The following VPS13C variants were observed in gnomAD, a reference collection of about 807,000 sequenced individuals.
VPS13C encodes vacuolar protein sorting 13 homolog C, also known as intermembrane lipid transfer protein VPS13C.
VPS13C carries 358 observed loss-of-function variants against 456.8 expected under a neutral mutation model. That is an observed-to-expected ratio of 0.78 (90% CI 0.72 to 0.86). The LOEUF is 0.86. Among genes scored for constraint, VPS13C ranks in the 40% least tolerant of loss-of-function variants. The pLI, the probability that VPS13C is intolerant of heterozygous loss-of-function variation, is 0.00. For synonymous variants in VPS13C, 1,578 were observed against 1,486.7 expected, an observed-to-expected ratio of 1.06 and a Z score of -1.41; for missense variants, 4,818 against 4,385.4, an observed-to-expected ratio of 1.10 and a Z score of -2.79.
At chr15:62,001,077 G>A (rs2140460196) in intron 15 of VPS13C, among the ~76,000 whole-genome samples, 1 of 152,248 alleles carries the variant, frequency 6.6e-6, no homozygotes, top group East Asian at 1.9e-4. Flanking sequence ...GGCTAAAGTA[G>A]AAACTGATTT....
At chr15:61,890,422 T>C (rs1555411704) in intron 66 of VPS13C, 22 bp from the exon 67 acceptor site, 3 of 1,597,434 alleles carry the variant, frequency 1.9e-6, no homozygotes, top group African/African-American at 1.3e-5. Flanking sequence ...AAAGACTTCA[T>C]TAAACCCACA....
At position 61,853,802 on chromosome 15, in the gene VPS13C, G is replaced by C. The variant is rs1893763475; in HGVS notation, c.*655C>G. The C allele has an allele frequency of 6.6e-6, 1 of 151,966 alleles. No individual in the cohort carries two copies. The highest frequency in any genetic ancestry group is 2.4e-5 in the African/African-American group (1 of 41,310). 9.4% of individuals were successfully genotyped at this position (151,966 alleles called of 1,614,324 possible). ...TGTAATCCCAGCACTTTGGGAGGCT[G>C]AGGCATGCGGATCACAAGGTCAGGA... On this transcript the variant is annotated 3_prime_UTR_variant, in exon 85 of 85. Transcript: ENST00000644861.
intron 15 of VPS13C, among the ~76,000 whole-genome samples, chr15:62,004,254 T>C (rs1221609020): frequency 6.6e-6 from 1 of 151,290 alleles, no homozygotes; most frequent in Non-Finnish European, 1.5e-5. Context: ...CTTGGGAGAG[T>C]GTATGTGTCG....
intron 30 of VPS13C, 72 bp from the exon 31 acceptor site, chr15:61,964,933 A>G (rs1479402057): frequency 7.1e-7 from 1 of 1,410,196 alleles, no homozygotes; most frequent in African/African-American, 1.4e-5. Flanking sequence ...GACAGACCCA[A>G]AAGATTCTCA....
intron 32 of VPS13C, among the ~76,000 whole-genome samples, 158 bp from the exon 33 acceptor site, chr15:61,963,010 T>C (rs1273425220): frequency 6.6e-6 from 1 of 152,156 alleles, no homozygotes; most frequent in Non-Finnish European, 1.5e-5. Context: ...TTTTTTGGTT[T>C]TATAAACACC....
At chr15:62,004,483 A>C (rs1373760474) in intron 15 of VPS13C, among the ~76,000 whole-genome samples, 2 of 149,286 alleles carry the variant, frequency 1.3e-5, no homozygotes, top group Non-Finnish European at 3.0e-5. Flanking sequence ...TCCTGGATTC[A>C]TTAATTTTTT....
chr15:61,924,614 T>C (rs2043784098), intron 53 of VPS13C, among the ~76,000 whole-genome samples: 2 of 152,232 alleles, frequency 1.3e-5, no homozygotes, highest in African/African-American at 4.8e-5. Flanking sequence ...TTTTCCCTCA[T>C]TTACTACTTT....
chr15:62,026,562 C>T (rs974184432), intron 6 of VPS13C, among the ~76,000 whole-genome samples: 8 of 151,980 alleles, frequency 5.3e-5, no homozygotes, highest in African/African-American at 1.9e-4. Context: ...GTTGAAGTGT[C>T]TACCAAACAA....
chr15:61,864,659 T>C, intron 81 of VPS13C: 7 of 985,480 alleles, frequency 7.1e-6, no homozygotes, highest in Non-Finnish European at 7.2e-6. Flanking sequence ...TCCTTGACAA[T>C]TGCAAAAAGC....
intron 66 of VPS13C, among the ~76,000 whole-genome samples, chr15:61,899,375 A>G (rs2042927850): frequency 6.7e-6 from 1 of 150,048 alleles, no homozygotes; most frequent in African/African-American, 2.5e-5. Flanking sequence ...ATAAAGAAAA[A>G]AAGAGAGAAG....
intron 66 of VPS13C, among the ~76,000 whole-genome samples, chr15:61,900,142 C>T (rs1406459143): frequency 6.6e-6 from 1 of 152,004 alleles, no homozygotes; most frequent in Non-Finnish European, 1.5e-5. Flanking sequence ...TATGACAAAC[C>T]CACAGCCAAT....
intron 9 of VPS13C, among the ~76,000 whole-genome samples, chr15:62,014,597 G>A (rs1364110070): frequency 6.6e-6 from 1 of 152,038 alleles, no homozygotes; most frequent in East Asian, 1.9e-4. Flanking sequence ...TAAATGGTAT[G>A]GATACAAAAG....
At chr15:61,874,053 T>C (rs949423401) in intron 77 of VPS13C, among the ~76,000 whole-genome samples, 7 of 150,980 alleles carry the variant, frequency 4.6e-5, no homozygotes, top group South Asian at 2.1e-4. Context: ...CTGGAGGACA[T>C]TATGTTAAGT....
intron 61 of VPS13C, among the ~76,000 whole-genome samples, chr15:61,914,125 C>T (rs2043388072): frequency 6.6e-6 from 1 of 152,152 alleles, no homozygotes; most frequent in African/African-American, 2.4e-5. Flanking sequence ...AGGTCAGACA[C>T]ATATACAAGC....
At chr15:61,969,145 C>G (rs1287316609) in intron 28 of VPS13C, among the ~76,000 whole-genome samples, 154 bp downstream of exon 28, 1 of 152,094 alleles carries the variant, frequency 6.6e-6, no homozygotes, top group Non-Finnish European at 1.5e-5. Context: ...TACCCCATAG[C>G]ACTGCTATAA....
intron 41 of VPS13C, 113 bp downstream of exon 41, chr15:61,950,245 T>G: frequency 1.3e-6 from 1 of 749,590 alleles, no homozygotes; most frequent in Non-Finnish European, 2.3e-6. Context: ...AGGAATATTA[T>G]TATTGCCACT....
intron 66 of VPS13C, among the ~76,000 whole-genome samples, chr15:61,890,648 G>A (rs1478158168): frequency 6.6e-6 from 1 of 152,180 alleles, no homozygotes; most frequent in Admixed American, 6.5e-5. Flanking sequence ...ACTGAGTGCT[G>A]AAGGGCACAG....
chr15:61,866,693 A>C (rs1235474160), intron 81 of VPS13C: 2 of 985,222 alleles, frequency 2.0e-6, no homozygotes, highest in Non-Finnish European at 2.4e-6. Flanking sequence ...GTTTTGTTAT[A>C]CTTGGTCCCT....
At chr15:61,973,190 T>A (rs2045606936) in intron 26 of VPS13C, among the ~76,000 whole-genome samples, 1 of 152,068 alleles carries the variant, frequency 6.6e-6, no homozygotes, top group Non-Finnish European at 1.5e-5. Context: ...ATGTAGAGAT[T>A]GGGGCCAAAA....
Sources: allele counts gnomAD v4.1 joint callset (sites outside exome capture counted in the v4.1 genomes callset), GRCh38; gene constraint gnomAD v4.1.1; transcripts MANE v1.5; gene names NCBI Gene and HGNC (gene_info 2026-07-23, HGNC 2026-07-21).